Variants in TAF3 observed in about 807,000 individuals in gnomAD.
TAF3 encodes transcription initiation factor TFIID subunit 3.
TAF3 carries 7 observed loss-of-function variants against 80.6 expected under a neutral mutation model. That is an observed-to-expected ratio of 0.09 (90% CI 0.05 to 0.16). TAF3 has a LOEUF of 0.16. TAF3 is among the 10% of genes least tolerant of loss of function. The probability of loss-of-function intolerance (pLI) is 1.00; values close to 1 mark genes in which losing one functional copy is unlikely to be tolerated. For synonymous variants in TAF3, 444 were observed against 446.1 expected (o/e 1.00, Z 0.06); for missense variants, 921 against 1,140.2 (o/e 0.81, Z 2.77).
chr10:7,863,676 T>TATATATACACACAC lies in TAF3; in HGVS notation c.409+39123_409+39124insCACACACATATATA, dbSNP rs1447576202. On this transcript the variant is annotated intron_variant, in intron 2 of 6. Coordinates refer to ENST00000344293, the MANE Select transcript of TAF3 (RefSeq NM_031923.4). Reference sequence around the variant, plus strand: ...ACACACATATATATATACACACATATATATATATACACACACATATATATA... The same window carrying TATATATACACACAC: ...ACACACATATATATATACACACATATATATATACACACACATATATATACACACACATATATATA... 2.9e-3 allele frequency among the ~76,000 whole-genome samples: 158 copies of TATATATACACACAC among 54,680 alleles called. 12 individuals carry two copies. The highest frequency in any genetic ancestry group is 0.016 in the East Asian group (13 of 822). 35.9% of individuals were successfully genotyped at this position (54,680 alleles called of 152,430 possible). A position where few individuals can be genotyped will look rare whatever the true frequency, so the allele number is the denominator to read the frequency against.
At chr10:7,994,976 A>AG in intron 4 of TAF3, among the ~76,000 whole-genome samples, 1 of 144,626 alleles carries the variant, frequency 6.9e-6, no homozygotes, top group Admixed American at 6.8e-5. Flanking sequence ...TCTCAAAAAA[A>AG]GAAAAAAAAA....
chr10:7,863,296 C>T (rs1394643323), intron 2 of TAF3, among the ~76,000 whole-genome samples: 1 of 152,038 alleles, frequency 6.6e-6, no homozygotes, highest in Non-Finnish European at 1.5e-5. Flanking sequence ...TTGAGATCTT[C>T]ACAATATTGA....
intron 5 of TAF3, among the ~76,000 whole-genome samples, chr10:8,010,799 A>G (rs1357214612): frequency 6.6e-6 from 1 of 152,138 alleles, no homozygotes. Context: ...AATCCCAGCT[A>G]CTCGGGAGGC....
intron 2 of TAF3, among the ~76,000 whole-genome samples, chr10:7,949,139 T>C (rs907939505): frequency 1.3e-5 from 2 of 152,186 alleles, no homozygotes; most frequent in East Asian, 3.8e-4. Flanking sequence ...CATTATTGTG[T>C]GAGTGTCTGT....
chr10:8,007,163 A>G (rs755180561), intron 4 of TAF3, among the ~76,000 whole-genome samples: 1 of 152,192 alleles, frequency 6.6e-6, no homozygotes, highest in South Asian at 2.1e-4. Context: ...ATGATGGACA[A>G]AAACCTTTGG....
intron 4 of TAF3, among the ~76,000 whole-genome samples, chr10:7,997,082 A>G: frequency 6.6e-6 from 1 of 152,194 alleles, no homozygotes; most frequent in East Asian, 1.9e-4. Flanking sequence ...TGAAATCTGA[A>G]GAAGAAAAGT....
chr10:7,833,901 T>A, intron 2 of TAF3: 1 of 769,724 alleles, frequency 1.3e-6, no homozygotes, highest in Non-Finnish European at 1.8e-6. Flanking sequence ...CTTCAGCCGC[T>A]GCACAGTGCG....
chr10:7,896,891 G>T (rs951114845), intron 2 of TAF3, among the ~76,000 whole-genome samples: 6 of 152,140 alleles, frequency 3.9e-5, no homozygotes, highest in Non-Finnish European at 7.4e-5. Context: ...AGCCCAGTTG[G>T]AAGGCCCTTT....
At chr10:8,010,580 C>A (rs1381783764) in intron 5 of TAF3, among the ~76,000 whole-genome samples, 1 of 152,162 alleles carries the variant, frequency 6.6e-6, no homozygotes, top group East Asian at 1.9e-4. Flanking sequence ...ACTTTGAGAC[C>A]ACAGAACTCC....
At chr10:7,977,460 G>C (rs905645262) in intron 4 of TAF3, 137 bp downstream of exon 4, 6 of 670,478 alleles carry the variant, frequency 8.9e-6, no homozygotes, top group Non-Finnish European at 1.2e-5. Context: ...AGAACTCTTC[G>C]TTTTCAAGTT....
intron 2 of TAF3, among the ~76,000 whole-genome samples, chr10:7,843,745 AATTG>A (rs1327613952): frequency 6.6e-6 from 1 of 151,228 alleles, no homozygotes; most frequent in African/African-American, 2.4e-5. Flanking sequence ...AACATGCATT[AATTG>A]ATTATTTCTC....
At chr10:7,838,175 C>T (rs1343917378) in intron 2 of TAF3, among the ~76,000 whole-genome samples, 2 of 152,110 alleles carry the variant, frequency 1.3e-5, no homozygotes, top group Non-Finnish European at 2.9e-5. Flanking sequence ...TAGTTGACTC[C>T]GTTCAGTGCT....
At chr10:7,867,163 G>T (rs112710590) in intron 2 of TAF3, among the ~76,000 whole-genome samples, 1,669 of 152,144 alleles carry the variant, frequency 0.011, 20 homozygotes, top group Middle Eastern at 0.031. Context: ...GGAGGCTGAG[G>T]CAGGAGAATT....
chr10:7,830,727 G>A (rs1179047414), intron 2 of TAF3, among the ~76,000 whole-genome samples: 4 of 151,906 alleles, frequency 2.6e-5, no homozygotes, highest in Non-Finnish European at 4.4e-5. Flanking sequence ...CAAGTGATCC[G>A]CCAGCCTCGG....
chr10:7,938,937 T>A (rs892445266), intron 2 of TAF3, among the ~76,000 whole-genome samples: 2 of 152,122 alleles, frequency 1.3e-5, no homozygotes, highest in Non-Finnish European at 2.9e-5. Context: ...GATAGGAAGA[T>A]ACTAAAAAAT....
intron 2 of TAF3, among the ~76,000 whole-genome samples, chr10:7,883,670 A>G (rs1837381762): frequency 6.6e-6 from 1 of 152,094 alleles, no homozygotes; most frequent in East Asian, 1.9e-4. Flanking sequence ...TTCCTTCTAC[A>G]TTTATCAGTT....
chr10:7,988,303 T>C (rs897260681), intron 4 of TAF3, among the ~76,000 whole-genome samples: 2 of 151,820 alleles, frequency 1.3e-5, no homozygotes, highest in East Asian at 3.9e-4. Flanking sequence ...TAAAAAGATA[T>C]CCGGGGCTGG....
At chr10:7,952,569 G>C (rs969310742) in intron 2 of TAF3, among the ~76,000 whole-genome samples, 3 of 152,164 alleles carry the variant, frequency 2.0e-5, no homozygotes, top group Admixed American at 1.3e-4. Context: ...TTAACATATA[G>C]ATTAGGCCAT....
At chr10:7,917,511 GC>G (rs1176813422) in intron 2 of TAF3, among the ~76,000 whole-genome samples, 5 of 152,240 alleles carry the variant, frequency 3.3e-5, no homozygotes, top group African/African-American at 1.2e-4. Context: ...TTCCTATGGG[GC>G]CTTATAGGCC....
Sources: gnomAD v4.1 joint callset for allele counts (sites outside exome capture counted in the v4.1 genomes callset) on GRCh38, gnomAD v4.1.1 for gene constraint, MANE v1.5 for transcripts, NCBI Gene and HGNC (gene_info 2026-07-23, HGNC 2026-07-21) for gene names.